CELSR2: variants seen among roughly 807,000 people sequenced by gnomAD.
CELSR2 encodes the protein EGF-like protein 2.
Under a neutral mutation model 251.6 loss-of-function variants are expected in CELSR2, and 81 were observed. The ratio of observed to expected loss-of-function variants is 0.32; its 90% CI spans 0.27 to 0.39. The LOEUF (loss-of-function observed/expected upper bound fraction) is 0.39, where lower values mean the gene tolerates loss of function less well. Among genes scored for constraint, CELSR2 ranks in the 10% least tolerant of loss-of-function variants. The pLI is 1.00. For synonymous variants in CELSR2, 1,721 were observed against 1,670.5 expected, an observed-to-expected ratio of 1.03 and a Z score of -0.74; for missense variants, 3,365 against 3,947.7, an observed-to-expected ratio of 0.85 and a Z score of 3.96.
intron 33 of CELSR2, 32 bp from the exon 34 acceptor site, chr1:109,273,990 T>A: frequency 6.2e-7 from 1 of 1,613,570 alleles, no homozygotes; most frequent in Non-Finnish European, 8.5e-7. Context: ...TCTGTCTGCC[T>A]TTTCTGCCAC....
intron 15 of CELSR2, among the ~76,000 whole-genome samples, chr1:109,266,626 T>A (rs1335945123): frequency 6.8e-6 from 1 of 146,534 alleles, no homozygotes; most frequent in African/African-American, 2.6e-5. Context: ...TTGGCCAGTC[T>A]GGTCTCGAAC....
In CELSR2 at chr1:109,275,404, T is replaced by C. The variant is rs1433209828; in HGVS notation, c.*1355T>C. 6.6e-6 allele frequency: 1 copy of C among 152,340 alleles called. No individual in the cohort carries two copies. The highest frequency in any genetic ancestry group is 6.5e-5 in the Admixed American group (1 of 15,298). 9.4% of individuals were successfully genotyped at this position (152,340 alleles called of 1,614,324 possible). A position where few individuals can be genotyped will look rare whatever the true frequency, so the allele number is the denominator to read the frequency against. On this transcript the variant is annotated 3_prime_UTR_variant, in exon 34 of 34. Coordinates refer to ENST00000271332, the MANE Select transcript of CELSR2 (RefSeq NM_001408.3). ...TCTGAGTCACCATTTACTCCAAGCATGTATTCCAGACTTGTCACTGACTTT... is the reference window on the plus strand; with the variant it reads ...TCTGAGTCACCATTTACTCCAAGCACGTATTCCAGACTTGTCACTGACTTT...
In CELSR2 at chr1:109,262,874, G is replaced by C. The variant is rs148197539; in HGVS notation, c.4613G>C (p.Arg1538Pro). Residue 1538 changes from arginine to proline, a missense_variant, in exon 7 of 34, where the codon CGA becomes CCA. Coordinates refer to ENST00000271332, the MANE Select transcript of CELSR2 (RefSeq NM_001408.3). ...VPDLPESFPVRMRQFVGCMRN... is the reference protein window; with the variant it reads ...VPDLPESFPVPMRQFVGCMRN... ...GACCTGCCCGAGAGCTTCCCAGTCCGAATGCGGCAGTTCGTGGGCTGCATG... is the reference window on the plus strand; with the variant it reads ...GACCTGCCCGAGAGCTTCCCAGTCCCAATGCGGCAGTTCGTGGGCTGCATG... 1 of 1,613,812 alleles carries C rather than the reference G, an allele frequency of 6.2e-7. No individual in the cohort carries two copies. Among genetic ancestry groups the C allele is most frequent in the Non-Finnish European group, 8.5e-7 (1 of 1,180,014 alleles).
chr1:109,267,817 C>T, intron 16 of CELSR2, 34 bp from the exon 17 acceptor site: 1 of 1,589,146 alleles, frequency 6.3e-7, no homozygotes, highest in Non-Finnish European at 8.6e-7. Context: ...GAGTTCCTGC[C>T]CTCACTCCTG....
chr1:109,273,550 GGGGA>G lies in CELSR2; in HGVS notation c.8627_8630del (p.Gly2876AlafsTer16). 1 of 1,580,972 alleles carries G rather than the reference GGGGA, an allele frequency of 6.3e-7. No individual in the cohort carries two copies. The highest frequency in any genetic ancestry group is 8.6e-7 in the Non-Finnish European group (1 of 1,163,992). ...GGCTCCTCCGCTAGTGAGGGCAGCC[GGGGA>G]GGCCCCCCTCCCCGCCCACCGCCCC... is the stretch of plus-strand genomic sequence containing the variant. On this transcript the variant is annotated frameshift_variant, in exon 33 of 34. Transcript: ENST00000271332. LOFTEE classifies it high-confidence loss of function.
Position 109,269,136 on chromosome 1 carries a change from G to A in CELSR2, c.6658G>A (p.Gly2220Ser). 4 of 1,607,456 alleles carry A rather than the reference G, an allele frequency of 2.5e-6. No individual in the cohort carries two copies. Among genetic ancestry groups the A allele is most frequent in the Non-Finnish European group, 3.4e-6 (4 of 1,177,164 alleles). The change falls in exon 20 of 34, where the codon GGC becomes AGC. Residue 2220 changes from glycine to serine, a missense_variant. By Grantham distance (56) the Gly-to-Ser change is moderately conservative. Transcript: ENST00000271332. The surrounding 1 kb of genome is among the most constrained non-coding windows in gnomAD (Gnocchi z 6.4). Reference sequence around the variant, plus strand: ...GACGCCCCCCGTGGTCAGGCCCGCAGGCCCCGGAGAGGCCCAGGAGCCAGA... The same window carrying A: ...GACGCCCCCCGTGGTCAGGCCCGCAAGCCCCGGAGAGGCCCAGGAGCCAGA... The part of the protein sequence containing the change: ...RETPPVVRPA[G>S]PGEAQEPEEL...
chr1:109,273,725 G>A, intron 33 of CELSR2, 55 bp downstream of exon 33: 1 of 1,358,510 alleles, frequency 7.4e-7, no homozygotes, highest in South Asian at 1.5e-5. Flanking sequence ...GCCTCACCTG[G>A]GCCCAGAGCT....
Position 109,249,896 on chromosome 1 carries a change from G to T in CELSR2, c.-184G>T. 2.4e-6 allele frequency: 1 copy of T among 410,358 alleles called. No homozygotes were observed. The highest frequency in any genetic ancestry group is 3.7e-6 in the Non-Finnish European group (1 of 272,434). The allele number at this position is 410,358 out of a possible 1,614,324, so 25.4% of individuals were successfully genotyped here. A position where few individuals can be genotyped will look rare whatever the true frequency, so the allele number is the denominator to read the frequency against. ...CTGGCTCAGGGGGCAGTGGGAGCCCGGGCTCGTCGGAGGGTGCAGCGCGGG... is the reference window on the plus strand; with the variant it reads ...CTGGCTCAGGGGGCAGTGGGAGCCCTGGCTCGTCGGAGGGTGCAGCGCGGG... On this transcript the variant is annotated 5_prime_UTR_variant, in exon 1 of 34. Coordinates refer to ENST00000271332, the MANE Select transcript of CELSR2 (RefSeq NM_001408.3).
intron 9 of CELSR2, 65 bp from the exon 10 acceptor site, chr1:109,264,013 C>T: frequency 6.6e-7 from 1 of 1,511,868 alleles, no homozygotes; most frequent in Non-Finnish European, 8.9e-7. Flanking sequence ...GAAAGGGGAA[C>T]TGTGAGCTGG....
chr1:109,252,940 C>G lies in CELSR2; in HGVS notation c.2861C>G (p.Ala954Gly). The change falls in exon 1 of 34, where the codon GCC (alanine) becomes GGC (glycine). Residue 954 changes from alanine (A) to glycine (G), a missense_variant. This residue lies in a region of CELSR2 where 505 missense variants were observed against 660.0 expected (regional missense o/e 0.77). Coordinates refer to ENST00000271332, the MANE Select transcript of CELSR2 (RefSeq NM_001408.3). The surrounding 1 kb of genome is among the most constrained non-coding windows in gnomAD (Gnocchi z 4.8). The part of the protein sequence containing the change: ...TATDPDEGTN[A>G]QIMYQIVEGN... ...ACTGACCCCGATGAAGGCACCAATG[C>G]CCAGATTATGTACCAGATTGTGGAG... The G allele has an allele frequency of 6.2e-7, 1 of 1,612,608 alleles. No homozygotes were observed. Among genetic ancestry groups the G allele is most frequent in the Non-Finnish European group, 8.5e-7 (1 of 1,179,186 alleles).
chr1:109,254,467 C>T (rs781002625), intron 1 of CELSR2, among the ~76,000 whole-genome samples: 2 of 152,152 alleles, frequency 1.3e-5, no homozygotes, highest in Non-Finnish European at 2.9e-5. Flanking sequence ...TGTGGGGAGC[C>T]AGAGGTAGCA....
chr1:109,264,218 T>C lies in CELSR2; in HGVS notation c.5142T>C (p.His1714=), dbSNP rs777404751. The change falls in exon 10 of 34, where the codon CAT becomes CAC. Residue 1714 remains histidine (H), a synonymous_variant. Transcript: ENST00000271332. ...TGGGAGCCAGCGGGGGGCCCGGCCA[T>C]GCCATTCTGTCCTTCGATTATGGGC... is the stretch of plus-strand genomic sequence containing the variant. ...LALGASGGPG[H]AILSFDYGQQ... is the part of the protein sequence containing the mutation. 1.2e-6 allele frequency: 2 copies of C among 1,613,818 alleles called. No individual in the cohort carries two copies. The highest frequency in any genetic ancestry group is 2.2e-5 in the South Asian group (2 of 91,086).
rs1257398677 is a variant in CELSR2 at position 109,264,500 on chromosome 1, C to T, written c.5336C>T (p.Pro1779Leu). The part of the protein sequence containing the change: ...DTPEGVNSLD[P>L]SHGESINVEQ... ...CCGGAGGGGGTTAACAGCCTGGATCCCAGCCATGGGGAGAGCATCAACGTG... is the reference window on the plus strand; with the variant it reads ...CCGGAGGGGGTTAACAGCCTGGATCTCAGCCATGGGGAGAGCATCAACGTG... The change falls in exon 11 of 34, where the codon CCC becomes CTC. Residue 1779 changes from proline (P) to leucine (L), a missense_variant. Pro to Leu is a moderately conservative substitution (Grantham distance 98, BLOSUM62 -3). Transcript: ENST00000271332. 1 of 1,614,068 alleles carries T rather than the reference C, an allele frequency of 6.2e-7. No homozygotes were observed. Among genetic ancestry groups the T allele is most frequent in the Non-Finnish European group, 8.5e-7 (1 of 1,179,966 alleles).
intron 15 of CELSR2, chr1:109,266,559 ATTTTT>A (rs35994599): frequency 4.5e-4 from 38 of 83,744 alleles, no homozygotes; most frequent in Non-Finnish European, 6.0e-4. Context: ...CACCTGGCTA[ATTTTT>A]TTTTTTTTTT....
chr1:109,258,536 G>A lies in CELSR2; in HGVS notation c.3415G>A (p.Glu1139Lys), dbSNP rs1263374091. The A allele has an allele frequency of 1.2e-6, 2 of 1,605,070 alleles. No individual in the cohort carries two copies. Among genetic ancestry groups the A allele is most frequent in the Admixed American group, 3.4e-5 (2 of 59,014 alleles). The change falls in exon 2 of 34, where the codon GAG becomes AAG. Residue 1139 changes from glutamate (E) to lysine (K), a missense_variant. Around this residue, in one of 5 missense-constraint regions of CELSR2, gnomAD observed 505 missense variants for 660.0 expected, o/e 0.77. Transcript: ENST00000271332. ...GCTGCGCCTGGAGGACATGTCACCC[G>A]AGCGCTTCCTGTCACCACTGCTAGG... ...ITLRLEDMSPERFLSPLLGLF... is the reference protein window; with the variant it reads ...ITLRLEDMSPKRFLSPLLGLF...
intron 30 of CELSR2, 30 bp from the exon 31 acceptor site, chr1:109,272,803 G>C: frequency 6.2e-7 from 1 of 1,613,060 alleles, no homozygotes; most frequent in Non-Finnish European, 8.5e-7. Context: ...AGGTGGCTGG[G>C]CTGGCTGTGA....
Position 109,259,002 on chromosome 1 carries a change from C to T in CELSR2, c.3881C>T (p.Ser1294Leu). The T allele has an allele frequency of 1.2e-6, 2 of 1,605,936 alleles. No individual in the cohort carries two copies. The highest frequency in any genetic ancestry group is 1.7e-6 in the Non-Finnish European group (2 of 1,178,926). Residue 1294 changes from serine (S) to leucine (L), a missense_variant, in exon 2 of 34, where the codon TCG becomes TTG. Ser to Leu is a moderately radical substitution (Grantham distance 145). Around this residue, in one of 5 missense-constraint regions of CELSR2, gnomAD observed 2,093 missense variants for 2,382.8 expected, o/e 0.88. Coordinates refer to ENST00000271332, the MANE Select transcript of CELSR2 (RefSeq NM_001408.3). ...YCETEVDLCY[S>L]RPCGPHGRCR... ...GAGACCGAGGTGGACCTCTGCTACT[C>T]GCGGCCCTGTGGCCCCCACGGGCGC...
chr1:109,251,852 T>C lies in CELSR2; in HGVS notation c.1773T>C (p.Thr591=), dbSNP rs1570774618. Residue 591 remains threonine (T), a synonymous_variant, in exon 1 of 34, where the codon ACT becomes ACC. Coordinates refer to ENST00000271332, the MANE Select transcript of CELSR2 (RefSeq NM_001408.3). This position sits in a 1 kb window ranked among gnomAD's most constrained non-coding sequence, Gnocchi z 4.9. ...EARDHGTPAL[T]ASASVSVTVL... ...GAGACCATGGCACTCCAGCACTCAC[T>C]GCCTCGGCCAGTGTCAGCGTGACTG... The C allele has an allele frequency of 6.2e-7, 1 of 1,614,102 alleles. No homozygotes were observed. Among genetic ancestry groups the C allele is most frequent in the Non-Finnish European group, 8.5e-7 (1 of 1,180,008 alleles).
rs1398953545 is a variant in CELSR2 at position 109,250,130 on chromosome 1, G to A, written c.51G>A (p.Leu17=). ...GVPLPTPPPP[L]LLLLLLLLPP... is the part of the protein sequence containing the mutation. ...CCCTCCCAACGCCGCCGCCGCCGCT[G>A]CTGCTGCTGTTGCTGCTGCTGCTGC... Residue 17 remains leucine (L), a synonymous_variant, in exon 1 of 34, where the codon CTG becomes CTA. Transcript: ENST00000271332. The surrounding 1 kb of genome is among the most constrained non-coding windows in gnomAD (Gnocchi z 4.4). The A allele has an allele frequency of 1.3e-6, 2 of 1,590,800 alleles. No individual in the cohort carries two copies. The highest frequency in any genetic ancestry group is 1.4e-5 in the African/African-American group (1 of 73,200).
Sources: allele counts gnomAD v4.1 joint callset (sites outside exome capture counted in the v4.1 genomes callset), GRCh38; gene constraint gnomAD v4.1.1; regional missense constraint gnomAD v4.1.1; non-coding constraint Gnocchi (gnomAD v3.1); transcripts MANE v1.5; gene names NCBI Gene and HGNC (gene_info 2026-07-23, HGNC 2026-07-21).